ZMAT4: variants seen among roughly 807,000 people sequenced by gnomAD.
ZMAT4 encodes zinc finger matrin-type protein 4.
Under a neutral mutation model 28.7 loss-of-function variants are expected in ZMAT4, and 17 were observed. The ratio of observed to expected loss-of-function variants is 0.59; its 90% CI spans 0.41 to 0.89. The LOEUF is 0.89. Among genes scored for constraint, ZMAT4 ranks in the 40% least tolerant of loss-of-function variants. The probability of loss-of-function intolerance (pLI) is 0.00; values close to 1 mark genes in which losing one functional copy is unlikely to be tolerated. For synonymous variants in ZMAT4, 117 were observed against 109.2 expected, an observed-to-expected ratio of 1.07 and a Z score of -0.44; for missense variants, 240 against 283.8, an observed-to-expected ratio of 0.85 and a Z score of 1.11.
chr8:40,887,956 C>T (rs1037148380), intron 1 of ZMAT4, among the ~76,000 whole-genome samples: 4 of 152,188 alleles, frequency 2.6e-5, no homozygotes, highest in African/African-American at 9.7e-5. Flanking sequence ...CTCCACTTGT[C>T]CCCAGCACAC....
At position 40,839,387 on chromosome 8, in the gene ZMAT4, C is replaced by T. The variant is rs536086556; in HGVS notation, c.-4-13707G>A. Reference sequence around the variant, plus strand: ...TGGCAAAGCCCAGAGGTTTGTGAGACGTGAAGATGTTAAGGTCAAATTGGA... The same window carrying T: ...TGGCAAAGCCCAGAGGTTTGTGAGATGTGAAGATGTTAAGGTCAAATTGGA... On this transcript the variant is annotated intron_variant, in intron 1 of 6. Coordinates refer to ENST00000297737, the MANE Select transcript of ZMAT4 (RefSeq NM_024645.3). 1.5e-3 allele frequency among the ~76,000 whole-genome samples: 234 copies of T among 152,288 alleles called. 3 individuals carry two copies. The highest frequency in any genetic ancestry group is 5.3e-3 in the African/African-American group (222 of 41,572).
intron 5 of ZMAT4, among the ~76,000 whole-genome samples, chr8:40,634,336 G>C (rs1000902596): frequency 3.9e-5 from 6 of 152,156 alleles, no homozygotes; most frequent in African/African-American, 1.4e-4. Context: ...TCTAGACAAA[G>C]AACCTGATTC....
intron 2 of ZMAT4, among the ~76,000 whole-genome samples, chr8:40,807,494 G>A (rs892982743): frequency 3.3e-5 from 5 of 152,080 alleles, no homozygotes; most frequent in African/African-American, 7.2e-5. Flanking sequence ...AAATCTAAGT[G>A]GCTATGGATG....
intron 3 of ZMAT4, among the ~76,000 whole-genome samples, chr8:40,765,034 A>G (rs1813094032): frequency 6.6e-6 from 1 of 151,956 alleles, no homozygotes; most frequent in African/African-American, 2.4e-5. Context: ...GGGTCTCACT[A>G]TCTTGTCCAA....
At chr8:40,773,117 G>A (rs1357701998) in intron 2 of ZMAT4, among the ~76,000 whole-genome samples, 3 of 152,308 alleles carry the variant, frequency 2.0e-5, no homozygotes, top group African/African-American at 2.4e-5. Flanking sequence ...TCCCTCTAAC[G>A]AATGGAACTC....
chr8:40,598,074 T>C (rs1350519917), intron 5 of ZMAT4, among the ~76,000 whole-genome samples: 3 of 152,146 alleles, frequency 2.0e-5, no homozygotes, highest in African/African-American at 2.4e-5. Context: ...TTTTATAGGA[T>C]TATACCACAA....
chr8:40,563,744 C>A (rs1396719074), intron 6 of ZMAT4, among the ~76,000 whole-genome samples: 3 of 152,072 alleles, frequency 2.0e-5, no homozygotes, highest in African/African-American at 7.2e-5. Context: ...TCTTTTTAGA[C>A]CCATGAATTT....
chr8:40,642,422 A>G (rs901578921), intron 5 of ZMAT4, among the ~76,000 whole-genome samples: 29 of 152,232 alleles, frequency 1.9e-4, no homozygotes, highest in African/African-American at 6.5e-4. Flanking sequence ...GACATCACAC[A>G]TACACAGTCA....
At chr8:40,540,158 C>T (rs1232316069) in intron 6 of ZMAT4, among the ~76,000 whole-genome samples, 1 of 152,152 alleles carries the variant, frequency 6.6e-6, no homozygotes, top group African/African-American at 2.4e-5. Flanking sequence ...CCCAGGAAAA[C>T]TCCAACCAGC....
intron 5 of ZMAT4, among the ~76,000 whole-genome samples, chr8:40,631,704 T>C (rs972810827): frequency 5.3e-5 from 8 of 152,214 alleles, no homozygotes; most frequent in Non-Finnish European, 7.3e-5. Flanking sequence ...ATATCCACTC[T>C]CATTTTGCAA....
intron 5 of ZMAT4, among the ~76,000 whole-genome samples, chr8:40,625,475 G>A (rs1368183171): frequency 5.9e-5 from 9 of 152,084 alleles, no homozygotes; most frequent in Non-Finnish European, 1.0e-4. Flanking sequence ...GGGTGGTTGC[G>A]ATAGAAGTGG....
intron 3 of ZMAT4, among the ~76,000 whole-genome samples, chr8:40,741,166 C>T (rs545193856): frequency 1.2e-4 from 18 of 152,082 alleles, no homozygotes; most frequent in Admixed American, 3.9e-4. Flanking sequence ...AGACATTGGC[C>T]GGGCATGGTG....
At chr8:40,846,676 T>C (rs1051457351) in intron 1 of ZMAT4, among the ~76,000 whole-genome samples, 18 of 152,168 alleles carry the variant, frequency 1.2e-4, no homozygotes, top group Non-Finnish European at 1.5e-5. Context: ...ACTCAGGAAC[T>C]GCAGGAGCAG....
At chr8:40,715,632 C>T (rs1235596332) in intron 3 of ZMAT4, among the ~76,000 whole-genome samples, 16 of 151,998 alleles carry the variant, frequency 1.1e-4, no homozygotes, top group Admixed American at 9.2e-4. Context: ...CCCCTCATCC[C>T]ACAATTTTAT....
rs749854597 is a variant in ZMAT4 at position 40,687,201 on chromosome 8, G to A, written c.349+10044C>T. On this transcript the variant is annotated intron_variant, in intron 4 of 6. Transcript: ENST00000297737. ...ATGTGGAATTACTTAGCCAGAAGAC[G>A]GGGCACTGAAGTACAACTTAATGAC... is the stretch of plus-strand genomic sequence containing the variant. 2.5e-4 allele frequency among the ~76,000 whole-genome samples: 38 copies of A among 152,156 alleles called. 1 individual carries two copies. The highest frequency in any genetic ancestry group is 1.8e-4 in the Non-Finnish European group (12 of 68,030).
At chr8:40,698,847 G>A (rs1217684139) in intron 3 of ZMAT4, among the ~76,000 whole-genome samples, 1 of 152,042 alleles carries the variant, frequency 6.6e-6, no homozygotes, top group Admixed American at 6.6e-5. Flanking sequence ...TTGGGGCTGG[G>A]ATGGAGGTTG....
At chr8:40,817,482 G>T (rs1815589883) in intron 2 of ZMAT4, among the ~76,000 whole-genome samples, 1 of 152,146 alleles carries the variant, frequency 6.6e-6, no homozygotes, top group Non-Finnish European at 1.5e-5. Flanking sequence ...ATTCTATTCT[G>T]GGAACTTGCC....
intron 1 of ZMAT4, among the ~76,000 whole-genome samples, chr8:40,866,715 T>C (rs766839432): frequency 3.3e-5 from 5 of 152,144 alleles, no homozygotes; most frequent in African/African-American, 4.8e-5. Flanking sequence ...TTCTCTCTGG[T>C]GTGTAAATAG....
chr8:40,895,581 C>T (rs1378804197), intron 1 of ZMAT4, among the ~76,000 whole-genome samples: 3 of 152,160 alleles, frequency 2.0e-5, no homozygotes, highest in Admixed American at 6.5e-5. Flanking sequence ...GGAAAGCGAG[C>T]GCTCCAGCGT....
Sources: allele counts gnomAD v4.1 joint callset (sites outside exome capture counted in the v4.1 genomes callset), GRCh38; gene constraint gnomAD v4.1.1; transcripts MANE v1.5; gene names NCBI Gene and HGNC (gene_info 2026-07-23, HGNC 2026-07-21).